The following TFAP4 variants were observed in gnomAD, a reference collection of about 807,000 sequenced individuals.
TFAP4 encodes the protein transcription factor AP-4, also known as activating enhancer-binding protein 4.
Under a neutral mutation model 40.4 loss-of-function variants are expected in TFAP4, and 7 were observed. The ratio of observed to expected loss-of-function variants is 0.17; its 90% CI spans 0.10 to 0.33. The LOEUF (loss-of-function observed/expected upper bound fraction) is 0.33. Ranked by LOEUF, TFAP4 falls within the 10% of genes least tolerant of loss-of-function variation. The probability of loss-of-function intolerance (pLI) is 1.00; values close to 1 mark genes in which losing one functional copy is unlikely to be tolerated. For missense variants in TFAP4, 374 were observed against 451.1 expected, an observed-to-expected ratio of 0.83 and a Z score of 1.55; for synonymous variants, 218 against 181.4, an observed-to-expected ratio of 1.20 and a Z score of -1.62.
At chr16:4,268,307 G>A (rs557984064) in intron 1 of TFAP4, among the ~76,000 whole-genome samples, 3 of 152,310 alleles carry the variant, frequency 2.0e-5, no homozygotes, top group African/African-American at 7.2e-5. Context: ...GGACGTGCCT[G>A]TAATCCCAGC....
intron 1 of TFAP4, among the ~76,000 whole-genome samples, chr16:4,270,512 C>T (rs1019264053): frequency 5.9e-5 from 9 of 152,198 alleles, no homozygotes; most frequent in African/African-American, 2.2e-4. Flanking sequence ...GCAACCCCTA[C>T]TGAAGGTAAA....
chr16:4,261,919 G>T lies in TFAP4; in HGVS notation c.385C>A (p.Arg129=). 1 of 1,610,664 alleles carries T rather than the reference G, an allele frequency of 6.2e-7. No homozygotes were observed. ...ELSGSSPKRR[R]AEDKDEGIGS... Reference sequence around the variant, plus strand: ...ATGCCTTCGTCCTTGTCCTCTGCCCGCCGTCGCTTGGGGGACGAGCCGCTC... The same window carrying T: ...ATGCCTTCGTCCTTGTCCTCTGCCCTCCGTCGCTTGGGGGACGAGCCGCTC... Residue 129 remains arginine (R), a synonymous_variant, in exon 4 of 7, where the codon CGG becomes AGG. Coordinates refer to ENST00000204517, the MANE Select transcript of TFAP4 (RefSeq NM_003223.3).
intron 1 of TFAP4, chr16:4,265,664 TC>T (rs1281357520): frequency 7.3e-6 from 1 of 137,560 alleles, no homozygotes; most frequent in Non-Finnish European, 1.5e-5. Flanking sequence ...ATCGCTGTAA[TC>T]GTGTAACTCT....
At chr16:4,259,769 A>G (rs2141088542) in intron 6 of TFAP4, among the ~76,000 whole-genome samples, 1 of 152,206 alleles carries the variant, frequency 6.6e-6, no homozygotes, top group African/African-American at 2.4e-5. Flanking sequence ...TTCCGGACCA[A>G]CCCAAGAGCT....
At chr16:4,259,089 AAAAAAAAAG>A (rs1416992023) in intron 6 of TFAP4, among the ~76,000 whole-genome samples, 1 of 146,728 alleles carries the variant, frequency 6.8e-6, no homozygotes, top group African/African-American at 2.7e-5. Context: ...ACTCTATCTC[AAAAAAAAAG>A]AAAAAAAAAG....
chr16:4,269,834 C>T (rs1159283221), intron 1 of TFAP4, among the ~76,000 whole-genome samples: 2 of 134,252 alleles, frequency 1.5e-5, no homozygotes, highest in Non-Finnish European at 3.2e-5. Flanking sequence ...AACAAACAAA[C>T]AAAACACAAG....
At chr16:4,272,635 G>A (rs759084483) in intron 1 of TFAP4, 23 bp downstream of exon 1, 2 of 1,586,300 alleles carry the variant, frequency 1.3e-6, no homozygotes, top group East Asian at 4.5e-5. Context: ...TAGGAAGGGG[G>A]TGGGGGGAGG....
At chr16:4,262,018 C>A (rs1410168226) in intron 3 of TFAP4, 69 bp from the exon 4 acceptor site, 2 of 1,471,594 alleles carry the variant, frequency 1.4e-6, no homozygotes, top group Non-Finnish European at 1.8e-6. Flanking sequence ...GGGGTTCCAT[C>A]GCAGCCCCCC....
intron 6 of TFAP4, 171 bp from the exon 7 acceptor site, chr16:4,258,420 A>G (rs1366557844): frequency 5.0e-6 from 3 of 601,096 alleles, no homozygotes; most frequent in Non-Finnish European, 8.5e-6. Flanking sequence ...AACTCCTTTT[A>G]CTTTTTTTTT....
At position 4,257,428 on chromosome 16, in the gene TFAP4, G is replaced by A. The variant is rs1276276875; in HGVS notation, c.*627C>T. 6.7e-6 allele frequency: 1 copy of A among 150,102 alleles called. No individual in the cohort carries two copies. The highest frequency in any genetic ancestry group is 1.5e-5 in the Non-Finnish European group (1 of 67,564). 9.3% of individuals were successfully genotyped at this position (150,102 alleles called of 1,614,324 possible). A position where few individuals can be genotyped will look rare whatever the true frequency, so the allele number is the denominator to read the frequency against. On this transcript the variant is annotated 3_prime_UTR_variant, in exon 7 of 7. Coordinates refer to ENST00000204517, the MANE Select transcript of TFAP4 (RefSeq NM_003223.3). ...CAAAAAGAGAGAGACAGACATTTTT[G>A]GGGTGGAAGATGAGACCTGGAGGCA...
chr16:4,272,235 G>C (rs1242636705), intron 1 of TFAP4, among the ~76,000 whole-genome samples: 1 of 150,994 alleles, frequency 6.6e-6, no homozygotes, highest in South Asian at 2.1e-4. Context: ...ACACCCCCAC[G>C]CGCGCCCCGG....
rs532663885 is a variant in TFAP4 at position 4,260,750 on chromosome 16, C to T, written c.526-155G>A. 8.5e-5 allele frequency among the ~76,000 whole-genome samples: 13 copies of T among 152,056 alleles called. No homozygotes were observed. In the South Asian group the frequency reaches 2.5e-3, roughly 29 times the overall value. On this transcript the variant is annotated intron_variant, in intron 4 of 6. Coordinates refer to ENST00000204517, the MANE Select transcript of TFAP4 (RefSeq NM_003223.3). ...AGCCTTTCCAGAGCCCTTCAGCCCC[C>T]GGCTCCTCTCGCCTCCCACCTCGGC...
chr16:4,271,663 T>A (rs1186861142), intron 1 of TFAP4, among the ~76,000 whole-genome samples: 3 of 152,078 alleles, frequency 2.0e-5, no homozygotes, highest in Non-Finnish European at 2.9e-5. Context: ...CCCACCCGGC[T>A]GGGGGACCCG....
At chr16:4,267,539 C>A (rs1359961139) in intron 1 of TFAP4, among the ~76,000 whole-genome samples, 1 of 152,260 alleles carries the variant, frequency 6.6e-6, no homozygotes, top group Admixed American at 6.5e-5. Flanking sequence ...CCCAACCAGA[C>A]ACTTGGAGGC....
chr16:4,261,550 C>T (rs2052948659), intron 4 of TFAP4, among the ~76,000 whole-genome samples: 1 of 151,994 alleles, frequency 6.6e-6, no homozygotes, highest in South Asian at 2.1e-4. Flanking sequence ...CGGCCTCCCA[C>T]AGCATGGTTA....
At position 4,258,138 on chromosome 16, in the gene TFAP4, T is replaced by C; in HGVS notation, c.934A>G (p.Thr312Ala). ...RSCPEAPTSD[T>A]ASDSEASDSD... ...TCTGAGGCCTCGGAGTCGGAGGCGG[T>C]GTCAGAGGTGGGGGCCTCCGGGCAG... is the stretch of plus-strand genomic sequence containing the variant. The change falls in exon 7 of 7, where the codon ACC becomes GCC. Residue 312 changes from threonine (T) to alanine (A), a missense_variant. By Grantham distance (58) the Thr-to-Ala change is moderately conservative. This residue lies in a region of TFAP4 where 93 missense variants were observed against 79.2 expected (regional missense o/e 1.17). Transcript: ENST00000204517. 7 of 1,613,060 alleles carry C rather than the reference T, an allele frequency of 4.3e-6. No homozygotes were observed. Among genetic ancestry groups the C allele is most frequent in the South Asian group, 1.1e-5 (1 of 91,006 alleles).
At position 4,261,821 on chromosome 16, in the gene TFAP4, C is replaced by G. The variant is rs1217744752; in HGVS notation, c.483G>C (p.Gln161His). Residue 161 changes from glutamine (Q) to histidine (H), a missense_variant, in exon 4 of 7, where the codon CAG (glutamine) becomes CAC (histidine). By Grantham distance (24) the Gln-to-His change is conservative. Transcript: ENST00000204517. ...LRREMIELRQ[Q>H]LDKERSVRMM... ...TGCGCACCGAGCGCTCCTTGTCCAG[C>G]TGCTGCCGCAGCTCAATCATCTCCC... 1.2e-6 allele frequency: 2 copies of G among 1,612,476 alleles called. No individual in the cohort carries two copies. Among genetic ancestry groups the G allele is most frequent in the South Asian group, 1.1e-5 (1 of 90,914 alleles).
intron 3 of TFAP4, 103 bp downstream of exon 3, chr16:4,262,221 G>T: frequency 7.5e-7 from 1 of 1,337,910 alleles, no homozygotes; most frequent in Non-Finnish European, 1.1e-6. Flanking sequence ...GTACTTGTCA[G>T]TGGGCAAGAA....
At chr16:4,272,256 C>T (rs2053046135) in intron 1 of TFAP4, among the ~76,000 whole-genome samples, 1 of 151,938 alleles carries the variant, frequency 6.6e-6, no homozygotes, top group African/African-American at 2.4e-5. Context: ...GCCCCCAGAC[C>T]CCCTTGGATG....
Sources: allele counts gnomAD v4.1 joint callset (sites outside exome capture counted in the v4.1 genomes callset), GRCh38; gene constraint gnomAD v4.1.1; regional missense constraint gnomAD v4.1.1; transcripts MANE v1.5; gene names NCBI Gene and HGNC (gene_info 2026-07-23, HGNC 2026-07-21).